The following CELF2 variants were observed in gnomAD, a reference collection of about 807,000 sequenced individuals.
CELF2 encodes the protein CUGBP Elav-like family member 2, also known as CUG triplet repeat RNA-binding protein 2.
In CELF2, 8 loss-of-function variants were observed where a neutral mutation model predicts 62.6. That is an observed-to-expected ratio of 0.13 (90% CI 0.07 to 0.23). The LOEUF is 0.23. CELF2 is among the 10% of genes least tolerant of loss of function. CELF2 has a pLI of 1.00. For synonymous variants in CELF2, 258 were observed against 250.0 expected, an observed-to-expected ratio of 1.03 and a Z score of -0.30; for missense variants, 333 against 671.0, an observed-to-expected ratio of 0.50 and a Z score of 5.56.
chr10:10,482,332 CT>C, the CELF2 span, among the ~76,000 whole-genome samples: 2 of 152,076 alleles, frequency 1.3e-5, no homozygotes, highest in African/African-American at 2.4e-5. Context: ...TATAAATCAC[CT>C]AATTTAAAAT....
chr10:10,530,660 G>T, the CELF2 span, among the ~76,000 whole-genome samples: 1 of 152,054 alleles, frequency 6.6e-6, no homozygotes, highest in Non-Finnish European at 1.5e-5. Context: ...CCTCTTTTGC[G>T]GAAATTATTC....
At chr10:11,254,252 A>G (rs1413308874) in intron 4 of CELF2, among the ~76,000 whole-genome samples, 1 of 152,226 alleles carries the variant, frequency 6.6e-6, no homozygotes, top group Admixed American at 6.5e-5. Flanking sequence ...TATTCCCCAT[A>G]TTGCCTTTAA....
the CELF2 span, among the ~76,000 whole-genome samples, chr10:10,601,654 A>G: frequency 1.9e-4 from 29 of 152,198 alleles, no homozygotes; most frequent in Non-Finnish European, 4.4e-5. Context: ...CTTAAAACAA[A>G]CAAAAAACAA....
chr10:10,699,839 G>A, the CELF2 span, among the ~76,000 whole-genome samples: 7 of 152,212 alleles, frequency 4.6e-5, no homozygotes, highest in African/African-American at 1.7e-4. Flanking sequence ...TTTCCTGAAT[G>A]ATGTCTCTGG....
intron 1 of CELF2, among the ~76,000 whole-genome samples, chr10:10,861,940 C>T (rs1474019199): frequency 6.6e-6 from 1 of 152,082 alleles, no homozygotes; most frequent in Admixed American, 6.6e-5. Flanking sequence ...GCAGAGTCAA[C>T]CTATTTTCTT....
intron 2 of CELF2, among the ~76,000 whole-genome samples, chr10:11,203,196 G>A (rs955530058): frequency 7.2e-5 from 11 of 152,210 alleles, no homozygotes; most frequent in African/African-American, 2.6e-4. Flanking sequence ...TTGATGGGCG[G>A]CGTGCTCTTC....
At chr10:10,866,417 C>A (rs1299465099) in intron 1 of CELF2, among the ~76,000 whole-genome samples, 1 of 151,494 alleles carries the variant, frequency 6.6e-6, no homozygotes, top group African/African-American at 2.4e-5. Flanking sequence ...ACCAGCCTGG[C>A]CAACATGGTA....
intron 1 of CELF2, among the ~76,000 whole-genome samples, chr10:11,099,294 A>G (rs1304097541): frequency 6.6e-6 from 1 of 152,222 alleles, no homozygotes; most frequent in Non-Finnish European, 1.5e-5. Context: ...AGTGTGGTAC[A>G]TCTGAGAAGC....
rs1333748726 is a variant in CELF2 at position 11,011,479 on chromosome 10, C to T, written c.53+6039C>T. On this transcript the variant is annotated intron_variant, in intron 1 of 12. Transcript: ENST00000416382. This position sits in a 1 kb window ranked among gnomAD's most constrained non-coding sequence, Gnocchi z 4.6. The stretch of plus-strand genomic sequence containing the variant: ...TCTTTATTATTAAAAAAAAAAAAAA[C>T]GCAAAATACAATCCTTAGCTTCATC... Among the ~76,000 whole-genome samples, 4 of 145,556 alleles carry T rather than the reference C, an allele frequency of 2.7e-5. No individual in the cohort carries two copies. The highest frequency in any genetic ancestry group is 1.4e-4 in the Admixed American group (2 of 14,714).
chr10:10,888,373 A>T (rs2061904524), intron 1 of CELF2, among the ~76,000 whole-genome samples: 1 of 152,090 alleles, frequency 6.6e-6, no homozygotes, highest in Admixed American at 6.5e-5. Context: ...CTCTTGGGGG[A>T]TGAGTTGGGG....
chr10:10,772,113 A>G, the CELF2 span, among the ~76,000 whole-genome samples: 1 of 152,216 alleles, frequency 6.6e-6, no homozygotes, highest in Non-Finnish European at 1.5e-5. Flanking sequence ...TAGAGGAAAA[A>G]AAAGGTAGAT....
At chr10:11,320,923 G>C (rs1455222672) in intron 10 of CELF2, 2 of 1,548,520 alleles carry the variant, frequency 1.3e-6, no homozygotes, top group South Asian at 2.4e-5. Flanking sequence ...CACGCTGCAT[G>C]GCATTGAGCT....
intron 1 of CELF2, among the ~76,000 whole-genome samples, chr10:11,064,734 G>A (rs1280961207): frequency 6.6e-6 from 1 of 152,068 alleles, no homozygotes; most frequent in African/African-American, 2.4e-5. Context: ...GGAATAAAAG[G>A]CACATTCAAT....
the CELF2 span, among the ~76,000 whole-genome samples, chr10:10,608,002 C>A: frequency 6.6e-6 from 1 of 152,116 alleles, no homozygotes; most frequent in African/African-American, 2.4e-5. Flanking sequence ...TGGTGGGCAT[C>A]TGTAATCCCA....
In CELF2 at chr10:11,260,664, A is replaced by T. The variant is rs1397647526; in HGVS notation, c.538+2792A>T. ...CTCCCCATCTGTTTTTTTTTTTTTT[A>T]AACAGCAGAAAAGTAATTTCTGGTG... On this transcript the variant is annotated intron_variant, in intron 5 of 12. Coordinates refer to ENST00000633077, the MANE Select transcript of CELF2 (RefSeq NM_001326342.2). This position sits in a 1 kb window ranked among gnomAD's most constrained non-coding sequence, Gnocchi z 4.2. 6.1e-5 allele frequency among the ~76,000 whole-genome samples: 9 copies of T among 148,266 alleles called. No homozygotes were observed. Among genetic ancestry groups the T allele is most frequent in the Non-Finnish European group, 1.2e-4 (8 of 67,378 alleles).
At chr10:10,629,455 CTTATA>C in the CELF2 span, among the ~76,000 whole-genome samples, 1 of 152,112 alleles carries the variant, frequency 6.6e-6, no homozygotes, top group Non-Finnish European at 1.5e-5. Flanking sequence ...GTGTTGGGGT[CTTATA>C]TTCTATAGAA....
intron 1 of CELF2, among the ~76,000 whole-genome samples, chr10:11,025,239 G>GTCTATATATATATA (rs61580670): frequency 7.1e-6 from 1 of 140,998 alleles, no homozygotes; most frequent in Non-Finnish European, 1.5e-5. Context: ...GTGTGTGTGT[G>GTCTATATATATATA]TATATGTATG....
the CELF2 span, among the ~76,000 whole-genome samples, chr10:10,539,267 A>C: frequency 6.6e-6 from 1 of 152,262 alleles, no homozygotes; most frequent in South Asian, 2.1e-4. Flanking sequence ...AGTAAGTAGC[A>C]AAAGGGATAA....
At chr10:10,676,009 T>G in the CELF2 span, among the ~76,000 whole-genome samples, 1 of 152,214 alleles carries the variant, frequency 6.6e-6, no homozygotes, top group Non-Finnish European at 1.5e-5. Flanking sequence ...TAGTATGGCT[T>G]GTAATCTTTT....
Sources: allele counts gnomAD v4.1 joint callset (sites outside exome capture counted in the v4.1 genomes callset), GRCh38; gene constraint gnomAD v4.1.1; non-coding constraint Gnocchi (gnomAD v3.1); transcripts MANE v1.5; gene names NCBI Gene and HGNC (gene_info 2026-07-23, HGNC 2026-07-21).